Variants in PGM5 observed in about 807,000 individuals in gnomAD.
PGM5 encodes phosphoglucomutase 5.
Under a neutral mutation model 59.2 loss-of-function variants are expected in PGM5, and 23 were observed. That is an observed-to-expected ratio of 0.39 (90% CI 0.28 to 0.55). The LOEUF is 0.55. Ranked by LOEUF, PGM5 falls within the 20% of genes least tolerant of loss-of-function variation. PGM5 has a pLI of 0.66. For missense variants in PGM5, 574 were observed against 748.3 expected (o/e 0.77, Z 2.72); for synonymous variants, 214 against 286.0 (o/e 0.75, Z 2.54).
chr9:68,433,426 C>G (rs561834874), intron 6 of PGM5, among the ~76,000 whole-genome samples: 1 of 152,138 alleles, frequency 6.6e-6, no homozygotes, highest in Non-Finnish European at 1.5e-5. Flanking sequence ...TTGTTGAGAG[C>G]GGAGCTAATT....
chr9:68,356,958 G>GCGGGCGGTCCC lies in PGM5; in HGVS notation c.-168_-158dup, dbSNP rs1834456064. 1.4e-4 allele frequency: 77 copies of GCGGGCGGTCCC among 546,166 alleles called. No homozygotes were observed. In the South Asian group the frequency reaches 2.9e-3, roughly 20 times the overall value. 33.8% of individuals were successfully genotyped at this position (546,166 alleles called of 1,614,324 possible). A position where few individuals can be genotyped will look rare whatever the true frequency, so the allele number is the denominator to read the frequency against. On this transcript the variant is annotated 5_prime_UTR_variant, in exon 1 of 11. Coordinates refer to ENST00000396396, the MANE Select transcript of PGM5 (RefSeq NM_021965.4). ...CCGAGCGGCCGCGCGGAGAGGAGGG[G>GCGGGCGGTCCC]CGGGCGGTCCCCAGGCGGGCGGGTG...
chr9:68,435,752 A>G lies in PGM5; in HGVS notation c.1044-29341A>G, dbSNP rs569751494. Reference sequence around the variant, plus strand: ...AATTTGTGTACAAGTTTTTATGTGAACATGTGTTTTCTTTTCTCTGTATCC... The same window carrying G: ...AATTTGTGTACAAGTTTTTATGTGAGCATGTGTTTTCTTTTCTCTGTATCC... On this transcript the variant is annotated intron_variant, in intron 6 of 10. Transcript: ENST00000396396. 2.6e-5 allele frequency among the ~76,000 whole-genome samples: 4 copies of G among 152,194 alleles called. No homozygotes were observed. The South Asian group carries it at 8.3e-4, about 31-fold the overall frequency.
At chr9:68,464,741 C>T (rs1823907202) in intron 6 of PGM5, 4 of 199,762 alleles carry the variant, frequency 2.0e-5, no homozygotes, top group Non-Finnish European at 4.1e-5. Flanking sequence ...AAACAATATT[C>T]CCAAGTGTTT....
chr9:68,477,523 A>C (rs1180021807), intron 7 of PGM5, among the ~76,000 whole-genome samples: 1 of 152,190 alleles, frequency 6.6e-6, no homozygotes, highest in African/African-American at 2.4e-5. Context: ...GAAACCCAAG[A>C]ATACTGTTGT....
chr9:68,466,087 A>G, intron 7 of PGM5: 1 of 1,219,424 alleles, frequency 8.2e-7, no homozygotes, highest in South Asian at 1.3e-5. Flanking sequence ...TGTGTTAGAT[A>G]ATTTGTGATG....
intron 9 of PGM5, among the ~76,000 whole-genome samples, chr9:68,491,198 A>T (rs1554687834): frequency 6.6e-6 from 1 of 152,238 alleles, no homozygotes; most frequent in Non-Finnish European, 1.5e-5. Flanking sequence ...ATAAATTGAT[A>T]TTAAACTTTA....
At chr9:68,401,603 A>G (rs1822668154) in intron 6 of PGM5, among the ~76,000 whole-genome samples, 1 of 151,290 alleles carries the variant, frequency 6.6e-6, no homozygotes, top group Non-Finnish European at 1.5e-5. Flanking sequence ...CTGGGGTTTC[A>G]ATGCCATCCA....
intron 6 of PGM5, among the ~76,000 whole-genome samples, chr9:68,423,661 C>G (rs62553009): frequency 0.041 from 1,883 of 45,506 alleles, 18 homozygotes; most frequent in East Asian, 0.18. Context: ...CTCTGTCTCT[C>G]TCTCTCTCTC....
chr9:68,376,825 C>CTT lies in PGM5; in HGVS notation c.262-1372_262-1371dup, dbSNP rs1264292794. 1.5e-3 allele frequency among the ~76,000 whole-genome samples: 153 copies of CTT among 102,172 alleles called. 9 individuals carry two copies. Among genetic ancestry groups the CTT allele is most frequent in the African/African-American group, 5.8e-3 (147 of 25,310 alleles). The allele number at this position is 102,172 out of a possible 152,430, so 67.0% of individuals were successfully genotyped here. On this transcript the variant is annotated intron_variant, in intron 1 of 10. Transcript: ENST00000396396. ...TCTTTCTTTCTTTCTTTCTTTCTTT[C>CTT]TTTCTTTCTCTTTCTTTCTTTCTTT...
chr9:68,401,470 C>T (rs1252219095), intron 6 of PGM5, among the ~76,000 whole-genome samples: 4 of 152,162 alleles, frequency 2.6e-5, no homozygotes, highest in East Asian at 1.9e-4. Flanking sequence ...ATTTTCAGCC[C>T]TCCCAACGAT....
chr9:68,401,864 G>A (rs1822674540), intron 6 of PGM5, among the ~76,000 whole-genome samples: 2 of 150,814 alleles, frequency 1.3e-5, no homozygotes, highest in Non-Finnish European at 2.9e-5. Context: ...TGATTACAGT[G>A]GTAGTTACAC....
At chr9:68,478,995 C>A (rs145576297) in intron 7 of PGM5, among the ~76,000 whole-genome samples, 1 of 152,158 alleles carries the variant, frequency 6.6e-6, no homozygotes, top group Non-Finnish European at 1.5e-5. Context: ...ATCTTGTTCT[C>A]TTATCTACTT....
chr9:68,438,147 A>C (rs925353644), intron 6 of PGM5, among the ~76,000 whole-genome samples: 1 of 151,484 alleles, frequency 6.6e-6, no homozygotes, highest in Non-Finnish European at 1.5e-5. Flanking sequence ...AAATTAGCTG[A>C]GCGTGGTGGC....
At chr9:68,413,638 A>C (rs180715321) in intron 6 of PGM5, among the ~76,000 whole-genome samples, 174 of 152,348 alleles carry the variant, frequency 1.1e-3, no homozygotes, top group African/African-American at 4.0e-3. Flanking sequence ...GCATTCTTAT[A>C]TCAGTGCATC....
chr9:68,473,084 C>T (rs1239938036), intron 7 of PGM5, among the ~76,000 whole-genome samples: 1 of 152,044 alleles, frequency 6.6e-6, no homozygotes, highest in Non-Finnish European at 1.5e-5. Flanking sequence ...GAAAATCAAT[C>T]TATCTATCAG....
At chr9:68,411,026 T>C (rs1480660769) in intron 6 of PGM5, among the ~76,000 whole-genome samples, 1 of 152,170 alleles carries the variant, frequency 6.6e-6, no homozygotes, top group Non-Finnish European at 1.5e-5. Flanking sequence ...GATGTGGTCT[T>C]ATGGCAGAAA....
rs1824529344 is a variant in PGM5, at chr9:68,499,213, G to A, written c.1480-14G>A. 2.5e-6 allele frequency: 4 copies of A among 1,613,900 alleles called. No individual in the cohort carries two copies. Among genetic ancestry groups the A allele is most frequent in the Non-Finnish European group, 3.4e-6 (4 of 1,179,920 alleles). On this transcript the variant is annotated splice_polypyrimidine_tract_variant and intron_variant, in intron 9 of 10. Coordinates refer to ENST00000396396, the MANE Select transcript of PGM5 (RefSeq NM_021965.4). ...ATTTGCTCACTGCTCCATTCTGGAT[G>A]TTCTTGGTCTCAGGGCCTAAGGATC...
intron 6 of PGM5, among the ~76,000 whole-genome samples, chr9:68,442,052 GA>G (rs1343068156): frequency 1.3e-5 from 2 of 151,878 alleles, no homozygotes; most frequent in East Asian, 3.8e-4. Context: ...AAACATTAAT[GA>G]AAAAAAGTCT....
At chr9:68,443,275 A>G (rs1158127) in intron 6 of PGM5, among the ~76,000 whole-genome samples, 134,869 of 152,262 alleles carry the variant, frequency 0.89, 59,729 homozygotes, top group East Asian at 0.94. Context: ...AAAATGTCAC[A>G]TACTGTATCA....
Sources: allele counts gnomAD v4.1 joint callset (sites outside exome capture counted in the v4.1 genomes callset), GRCh38; gene constraint gnomAD v4.1.1; transcripts MANE v1.5; gene names NCBI Gene and HGNC (gene_info 2026-07-23, HGNC 2026-07-21).